WASF3: variants seen among roughly 807,000 people sequenced by gnomAD.
WASF3 encodes WASP family member 3.
In WASF3, 11 loss-of-function variants were observed where a neutral mutation model predicts 46.6. The observed-to-expected ratio is 0.24, with a 90% CI of 0.15 to 0.39. WASF3 has a LOEUF of 0.39. Ranked by LOEUF, WASF3 falls within the 10% of genes least tolerant of loss-of-function variation. The pLI, the probability that WASF3 is intolerant of heterozygous loss-of-function variation, is 1.00. For missense variants in WASF3, 576 were observed against 669.8 expected (o/e 0.86, Z 1.55); for synonymous variants, 242 against 259.7 (o/e 0.93, Z 0.65).
intron 2 of WASF3, among the ~76,000 whole-genome samples, chr13:26,633,939 T>G (rs1241582587): frequency 2.0e-5 from 3 of 152,194 alleles, no homozygotes; most frequent in Non-Finnish European, 4.4e-5. Context: ...ATAAGTGTGA[T>G]GTGGTGCTGA....
chr13:26,560,358 A>G (rs75932629), intron 1 of WASF3, among the ~76,000 whole-genome samples: 2,466 of 152,334 alleles, frequency 0.016, 33 homozygotes, highest in Middle Eastern at 0.041. Flanking sequence ...ACAGAGATTT[A>G]TAGAGGTAAA....
chr13:26,622,282 G>A lies in WASF3; in HGVS notation c.-11+9224G>A, dbSNP rs1593153557. Among the ~76,000 whole-genome samples, 3 of 152,278 alleles carry A rather than the reference G, an allele frequency of 2.0e-5. No homozygotes were observed. The South Asian group carries it at 6.2e-4, about 32-fold the overall frequency. On this transcript the variant is annotated intron_variant, in intron 2 of 9. Transcript: ENST00000335327. ...AAGGTCAGTCTTTAATGGCTGCATA[G>A]TGGAGAAAGAAATCCACTACAAAAT... is the stretch of plus-strand genomic sequence containing the variant.
chr13:26,549,796 T>G, the WASF3 span, among the ~76,000 whole-genome samples: 2 of 152,218 alleles, frequency 1.3e-5, no homozygotes, highest in African/African-American at 4.8e-5. Context: ...GGGCTTAGAA[T>G]GTTTGAACCA....
chr13:26,670,836 G>A (rs957025124), intron 5 of WASF3, among the ~76,000 whole-genome samples: 1 of 152,178 alleles, frequency 6.6e-6, no homozygotes, highest in African/African-American at 2.4e-5. Context: ...CAGACATAGC[G>A]ACTAGAATAG....
chr13:26,656,694 G>A (rs1218873720), intron 3 of WASF3, among the ~76,000 whole-genome samples: 5 of 151,910 alleles, frequency 3.3e-5, no homozygotes, highest in Non-Finnish European at 5.9e-5. Flanking sequence ...TAAAAGTACA[G>A]TTAATATACA....
At position 26,639,080 on chromosome 13, in the gene WASF3, A is replaced by G. The variant is rs1324775093; in HGVS notation, c.-10-3181A>G. On this transcript the variant is annotated intron_variant, in intron 2 of 9. Transcript: ENST00000335327. ...TAAGCCAAATAAACCTCTTCTCTTT[A>G]TAAACTACCCAGTCTCAGGTACTCT... is the stretch of plus-strand genomic sequence containing the variant. Among the ~76,000 whole-genome samples, 3 of 152,214 alleles carry G rather than the reference A, an allele frequency of 2.0e-5. 1 individual carries two copies. Among genetic ancestry groups the G allele is most frequent in the Non-Finnish European group, 4.4e-5 (3 of 68,036 alleles).
the WASF3 span, among the ~76,000 whole-genome samples, chr13:26,552,437 AAT>A: frequency 6.3e-3 from 961 of 152,334 alleles, 14 homozygotes; most frequent in African/African-American, 0.022. Context: ...GTTTCCAGCA[AAT>A]ATTTTATTCT....
upstream of WASF3, among the ~76,000 whole-genome samples, chr13:26,554,075 C>CTTT (rs1290575762): frequency 4.4e-4 from 46 of 105,562 alleles, no homozygotes; most frequent in East Asian, 2.0e-3. Flanking sequence ...TTCCTTCCTT[C>CTTT]CTTCCTTCCT....
chr13:26,554,096 C>CTTCTTTCTCTCTTTCT (rs1879039441), upstream of WASF3, among the ~76,000 whole-genome samples: 2 of 7,372 alleles, frequency 2.7e-4, no homozygotes, highest in African/African-American at 7.5e-4. Context: ...TCCTTCCTTC[C>CTTCTTTCTCTCTTTCT]TTCTTTCTTT....
At chr13:26,549,695 A>G in the WASF3 span, among the ~76,000 whole-genome samples, 1 of 152,196 alleles carries the variant, frequency 6.6e-6, no homozygotes, top group Non-Finnish European at 1.5e-5. Flanking sequence ...GGGCTTTCCT[A>G]AGAAAAAATA....
intron 1 of WASF3, chr13:26,577,124 C>A: frequency 1.3e-6 from 1 of 783,910 alleles, no homozygotes; most frequent in Non-Finnish European, 2.3e-6. Flanking sequence ...GATGAGATTG[C>A]ATTTAGAAAA....
intron 7 of WASF3, 36 bp downstream of exon 7, chr13:26,676,760 T>G (rs1226446402): frequency 6.3e-7 from 1 of 1,578,062 alleles, no homozygotes; most frequent in Admixed American, 1.8e-5. Flanking sequence ...GCCCTGATGC[T>G]TGGGCAACTG....
At position 26,665,022 on chromosome 13, in the gene WASF3, C is replaced by T. The variant is rs1322130005; in HGVS notation, c.134-6C>T. ...GATGGCCTTCTCCATTCATTTTATT[C>T]TACAGGCAAACATGCTGAAGACATA... On this transcript the variant is annotated splice_polypyrimidine_tract_variant and splice_region_variant and intron_variant, in intron 3 of 9. Transcript: ENST00000335327. The T allele has an allele frequency of 3.1e-6, 5 of 1,613,952 alleles. No homozygotes were observed. The highest frequency in any genetic ancestry group is 3.3e-5 in the Admixed American group (2 of 60,028).
chr13:26,592,361 A>G (rs549229152), intron 1 of WASF3, among the ~76,000 whole-genome samples: 50 of 152,286 alleles, frequency 3.3e-4, no homozygotes, highest in African/African-American at 1.2e-3. Context: ...AGTGTGTCTT[A>G]GCTCAGGCTG....
chr13:26,582,547 T>G (rs1008228762), intron 1 of WASF3, among the ~76,000 whole-genome samples: 1 of 151,566 alleles, frequency 6.6e-6, no homozygotes, highest in Non-Finnish European at 1.5e-5. Flanking sequence ...TGTGGTGGTG[T>G]GCACCTGTAG....
At chr13:26,599,524 T>C (rs1168464116) in intron 1 of WASF3, among the ~76,000 whole-genome samples, 1 of 152,170 alleles carries the variant, frequency 6.6e-6, no homozygotes, top group Non-Finnish European at 1.5e-5. Context: ...GTGTATTTGA[T>C]TAAGGCCCAC....
At chr13:26,554,937 A>G (rs1879065914), upstream of WASF3, among the ~76,000 whole-genome samples, 1 of 152,162 alleles carries the variant, frequency 6.6e-6, no homozygotes, top group African/African-American at 2.4e-5. Flanking sequence ...GACTATGCTT[A>G]GCTTTGTGAG....
the WASF3 span, among the ~76,000 whole-genome samples, chr13:26,547,421 CA>C: frequency 5.0e-4 from 75 of 151,214 alleles, no homozygotes; most frequent in East Asian, 1.2e-3. Flanking sequence ...CACACACACA[CA>C]CACACCCATC....
At chr13:26,563,015 G>GAA (rs1879348000) in intron 1 of WASF3, among the ~76,000 whole-genome samples, 1 of 151,056 alleles carries the variant, frequency 6.6e-6, no homozygotes. Flanking sequence ...GCTCTTCTGA[G>GAA]GACTGGTTGT....
Sources: allele counts gnomAD v4.1 joint callset (sites outside exome capture counted in the v4.1 genomes callset), GRCh38; gene constraint gnomAD v4.1.1; transcripts MANE v1.5; gene names NCBI Gene and HGNC (gene_info 2026-07-23, HGNC 2026-07-21).